The following CCDC197 variants were observed in gnomAD, a reference collection of about 807,000 sequenced individuals.
CCDC197 encodes the protein coiled-coil domain containing 197.
CCDC197 carries 24 observed loss-of-function variants against 13.4 expected under a neutral mutation model. The observed-to-expected ratio is 1.80, with a 90% CI of 1.30 to 2.53. The LOEUF is 2.53. CCDC197 is among the 30% of genes most tolerant of loss of function. The pLI is 0.00. For missense variants in CCDC197, 255 were observed against 148.8 expected, an observed-to-expected ratio of 1.71 and a Z score of -3.71; for synonymous variants, 99 against 55.5, an observed-to-expected ratio of 1.78 and a Z score of -3.48.
chr14:93,995,703 T>C (rs1249303794), upstream of CCDC197, among the ~76,000 whole-genome samples: 1 of 152,116 alleles, frequency 6.6e-6, no homozygotes, highest in Non-Finnish European at 1.5e-5. Context: ...TTGGGAAGGA[T>C]TCATTCTGGG....
In CCDC197 at chr14:93,997,545, T is replaced by C. The variant is rs1018672976; in HGVS notation, c.-160T>C. 1.3e-5 allele frequency: 2 copies of C among 152,448 alleles called. No individual in the cohort carries two copies. The highest frequency in any genetic ancestry group is 4.8e-5 in the African/African-American group (2 of 41,338). The allele number at this position is 152,448 out of a possible 1,614,324, so 9.4% of individuals were successfully genotyped here. A position where few individuals can be genotyped will look rare whatever the true frequency, so the allele number is the denominator to read the frequency against. On this transcript the variant is annotated 5_prime_UTR_variant, in exon 1 of 7. Coordinates refer to ENST00000636493, the MANE Select transcript of CCDC197 (RefSeq NM_001351596.2). The stretch of plus-strand genomic sequence containing the variant: ...CTTGACCATGAGCTTCTTCAAGGCA[T>C]CTCTTCTCAGTCTCCACTGTAGCTC...
intron 6 of CCDC197, among the ~76,000 whole-genome samples, chr14:94,005,468 C>G (rs1439790270): frequency 1.3e-5 from 2 of 152,210 alleles, no homozygotes; most frequent in Admixed American, 1.3e-4. Context: ...TCACCTTAAA[C>G]TTCACACTGT....
upstream of CCDC197, among the ~76,000 whole-genome samples, chr14:93,995,378 C>T (rs1441094295): frequency 6.6e-6 from 1 of 152,168 alleles, no homozygotes; most frequent in African/African-American, 2.4e-5. Context: ...AGTTATAGGG[C>T]TGCGAGGGAA....
chr14:94,008,832 C>T lies in CCDC197; in HGVS notation c.*20C>T. ...TACTGACCAGCCTGCGCCTTGCAGG[C>T]CCCATGGCATCACGACCTCTCCTTA... is the stretch of plus-strand genomic sequence containing the variant. On this transcript the variant is annotated 3_prime_UTR_variant, in exon 7 of 7. Transcript: ENST00000636493. The T allele has an allele frequency of 1.5e-6, 1 of 688,998 alleles. No homozygotes were observed. The highest frequency in any genetic ancestry group is 2.7e-6 in the Non-Finnish European group (1 of 374,684). The allele number at this position is 688,998 out of a possible 1,614,324, so 42.7% of individuals were successfully genotyped here.
At position 94,003,149 on chromosome 14, in the gene CCDC197, C is replaced by A; in HGVS notation, c.367-74C>A. 1.4e-6 allele frequency: 1 copy of A among 725,508 alleles called. No individual in the cohort carries two copies. Among genetic ancestry groups the A allele is most frequent in the Non-Finnish European group, 2.6e-6 (1 of 389,956 alleles). 44.9% of individuals were successfully genotyped at this position (725,508 alleles called of 1,614,324 possible). On this transcript the variant is annotated intron_variant, in intron 4 of 6. Transcript: ENST00000636493. The surrounding 1 kb of genome is among the most constrained non-coding windows in gnomAD (Gnocchi z 5.0). ...TCCTATCCTGTCATTGCACAGACCA[C>A]CCTGGGGACTCAGACCAGGGCATAT...
upstream of CCDC197, among the ~76,000 whole-genome samples, chr14:93,995,805 C>T (rs181771732): frequency 1.1e-3 from 174 of 152,268 alleles, no homozygotes; most frequent in African/African-American, 3.8e-3. Flanking sequence ...TGATTCTGCA[C>T]CTCCCTACAG....
At chr14:94,010,654 G>T (rs1159781000), downstream of CCDC197, among the ~76,000 whole-genome samples, 1 of 152,212 alleles carries the variant, frequency 6.6e-6, no homozygotes, top group Non-Finnish European at 1.5e-5. Context: ...GGACAGAAAC[G>T]CCGGAGTAGG....
intron 6 of CCDC197, 122 bp from the exon 7 acceptor site, chr14:94,008,487 T>C: frequency 1.6e-6 from 1 of 632,104 alleles, no homozygotes; most frequent in South Asian, 1.8e-5. Context: ...ACCACATCCT[T>C]TGCAGGGCGC....
Position 93,999,607 on chromosome 14 carries a change from C to G in CCDC197, c.129C>G (p.Val43=). Residue 43 remains valine, a synonymous_variant, in exon 3 of 7, where the codon GTC becomes GTG. Transcript: ENST00000636493. The part of the protein sequence containing the change: ...QAKQKKLKRE[V]EKHKLFEDYL... ...GGCAGAAGAAGCTCAAGAGAGAAGT[C>G]GAGAAGCACAAGCTTTTTGAAGACT... is the stretch of plus-strand genomic sequence containing the variant. 1.3e-6 allele frequency: 1 copy of G among 780,952 alleles called. No individual in the cohort carries two copies. The highest frequency in any genetic ancestry group is 1.7e-5 in the Admixed American group (1 of 59,040). The allele number at this position is 780,952 out of a possible 1,614,324, so 48.4% of individuals were successfully genotyped here.
chr14:93,990,127 C>T (rs550610022), intron 1 of CCDC197, among the ~76,000 whole-genome samples: 12 of 152,134 alleles, frequency 7.9e-5, no homozygotes, highest in South Asian at 2.1e-4. Context: ...CAGTTAGACC[C>T]GTGGGTAATC....
At chr14:94,005,566 T>C (rs1202506221) in intron 6 of CCDC197, among the ~76,000 whole-genome samples, 1 of 152,242 alleles carries the variant, frequency 6.6e-6, no homozygotes, top group Non-Finnish European at 1.5e-5. Context: ...TTGGCTTTGA[T>C]TGACAACACA....
At chr14:93,995,855 GTC>G (rs1890282687), upstream of CCDC197, among the ~76,000 whole-genome samples, 1 of 152,148 alleles carries the variant, frequency 6.6e-6, no homozygotes, top group Non-Finnish European at 1.5e-5. Context: ...AGCCCGGACA[GTC>G]TCTGCTGCTG....
intron 4 of CCDC197, among the ~76,000 whole-genome samples, chr14:94,002,519 A>C (rs1251016584): frequency 6.6e-6 from 1 of 152,060 alleles, no homozygotes; most frequent in African/African-American, 2.4e-5. Flanking sequence ...GTTCCTTCTC[A>C]TGCTGCTAAT....
At chr14:93,987,902 G>A (rs556641363) in intron 1 of CCDC197, among the ~76,000 whole-genome samples, 1 of 148,512 alleles carries the variant, frequency 6.7e-6, no homozygotes, top group Admixed American at 6.7e-5. Flanking sequence ...CCTACCCACA[G>A]GAGGTACAGC....
intron 1 of CCDC197, among the ~76,000 whole-genome samples, chr14:93,989,822 G>A (rs1250526809): frequency 1.3e-5 from 2 of 152,216 alleles, no homozygotes; most frequent in Non-Finnish European, 2.9e-5. Flanking sequence ...GTCAAGGTCG[G>A]GCCTCTTATC....
Position 94,001,221 on chromosome 14 carries a change from C to A in CCDC197, c.264C>A (p.Ala88=), listed in dbSNP as rs59039338. The A allele has an allele frequency of 7.7e-6, 6 of 780,940 alleles. No individual in the cohort carries two copies. The highest frequency in any genetic ancestry group is 4.5e-4 in the Middle Eastern group (2 of 4,440). The allele number at this position is 780,940 out of a possible 1,614,324, so 48.4% of individuals were successfully genotyped here. Residue 88 remains alanine (A), a synonymous_variant, in exon 4 of 7, where the codon GCC becomes GCA. Coordinates refer to ENST00000636493, the MANE Select transcript of CCDC197 (RefSeq NM_001351596.2). Reference sequence around the variant, plus strand: ...AGCACTACGGGAAGCTCTTCACAGCCAGCCAGGACACGCAGAAGCGCCTCG... The same window carrying A: ...AGCACTACGGGAAGCTCTTCACAGCAAGCCAGGACACGCAGAAGCGCCTCG... ...TVKHYGKLFT[A]SQDTQKRLEA...
chr14:93,988,302 G>A, intron 1 of CCDC197, among the ~76,000 whole-genome samples: 1 of 105,674 alleles, frequency 9.5e-6, no homozygotes. Context: ...ATGGGAGGAG[G>A]AAATGGGAGG....
At chr14:93,988,994 T>C (rs912823926) in intron 1 of CCDC197, among the ~76,000 whole-genome samples, 3 of 151,966 alleles carry the variant, frequency 2.0e-5, no homozygotes, top group Admixed American at 6.6e-5. Context: ...CACTTCTGAG[T>C]GCGGGACGCT....
In CCDC197 at chr14:94,003,112, A is replaced by G; in HGVS notation, c.367-111A>G. On this transcript the variant is annotated intron_variant, in intron 4 of 6. Transcript: ENST00000636493. The surrounding 1 kb of genome is among the most constrained non-coding windows in gnomAD (Gnocchi z 5.0). ...CCTTGAATGGCCCCAGCCACCCACA[A>G]GTATTCCTTCCTCCTATCCTGTCAT... 1.6e-6 allele frequency: 1 copy of G among 643,620 alleles called. No homozygotes were observed. The highest frequency in any genetic ancestry group is 2.8e-6 in the Non-Finnish European group (1 of 354,378). 39.9% of individuals were successfully genotyped at this position (643,620 alleles called of 1,614,324 possible).
Sources: allele counts gnomAD v4.1 joint callset (sites outside exome capture counted in the v4.1 genomes callset), GRCh38; gene constraint gnomAD v4.1.1; non-coding constraint Gnocchi (gnomAD v3.1); transcripts MANE v1.5; gene names NCBI Gene and HGNC (gene_info 2026-07-23, HGNC 2026-07-21).